Variants in ACO1 observed in about 807,000 individuals in gnomAD.
ACO1 encodes the protein cytoplasmic aconitate hydratase.
ACO1 carries 78 observed loss-of-function variants against 105.1 expected under a neutral mutation model. That is an observed-to-expected ratio of 0.74 (90% CI 0.62 to 0.90). The LOEUF is 0.90. Ranked by LOEUF, ACO1 falls within the 40% of genes least tolerant of loss-of-function variation. The pLI, the probability that ACO1 is intolerant of heterozygous loss-of-function variation, is 0.00. For synonymous variants in ACO1, 364 were observed against 397.4 expected (o/e 0.92, Z 1.00); for missense variants, 965 against 1,111.1 (o/e 0.87, Z 1.87).
In ACO1 at chr9:32,449,860, C is replaced by T; in HGVS notation, c.2557-138C>T. ...TTTAGTGGGTCTGGGCTGGGGCCAGCAGCCTTGCATGTCCTCATGTGCTGC... is the reference window on the plus strand; with the variant it reads ...TTTAGTGGGTCTGGGCTGGGGCCAGTAGCCTTGCATGTCCTCATGTGCTGC... On this transcript the variant is annotated intron_variant, in intron 20 of 20. Coordinates refer to ENST00000309951, the MANE Select transcript of ACO1 (RefSeq NM_002197.3). 4.6e-6 allele frequency: 3 copies of T among 654,048 alleles called. No individual in the cohort carries two copies. In the Admixed American group the frequency reaches 7.5e-5, roughly 16 times the overall value. 40.5% of individuals were successfully genotyped at this position (654,048 alleles called of 1,614,324 possible).
chr9:32,437,557 G>A (rs1044653341), intron 18 of ACO1, among the ~76,000 whole-genome samples: 4 of 152,084 alleles, frequency 2.6e-5, no homozygotes, highest in African/African-American at 9.7e-5. Context: ...AGACATTGGG[G>A]GACCCCTAAT....
chr9:32,397,005 A>T (rs573218590), intron 1 of ACO1, among the ~76,000 whole-genome samples: 2 of 152,124 alleles, frequency 1.3e-5, no homozygotes, highest in Non-Finnish European at 2.9e-5. Context: ...TGACATATAT[A>T]TAGCACATTC....
At chr9:32,391,066 G>A (rs1448146047) in intron 1 of ACO1, among the ~76,000 whole-genome samples, 1 of 152,168 alleles carries the variant, frequency 6.6e-6, no homozygotes, top group African/African-American at 2.4e-5. Context: ...GCTTACCATA[G>A]GTAAGTCAAT....
chr9:32,440,999 A>G (rs1822468221), intron 19 of ACO1, among the ~76,000 whole-genome samples: 1 of 152,198 alleles, frequency 6.6e-6, no homozygotes, highest in East Asian at 1.9e-4. Flanking sequence ...AGCCAGGGCC[A>G]TTGTATTATC....
chr9:32,427,221 A>T (rs1822119298), intron 11 of ACO1, 80 bp from the exon 12 acceptor site: 9 of 1,550,352 alleles, frequency 5.8e-6, no homozygotes, highest in Non-Finnish European at 6.1e-6. Flanking sequence ...GACTGAAGAA[A>T]ATCAGGCTCT....
chr9:32,394,603 C>G (rs1453491556), intron 1 of ACO1, among the ~76,000 whole-genome samples: 3 of 152,228 alleles, frequency 2.0e-5, no homozygotes, highest in African/African-American at 7.2e-5. Flanking sequence ...ATGGAACCAG[C>G]TGCTTCAGAG....
intron 8 of ACO1, among the ~76,000 whole-genome samples, chr9:32,421,315 T>C (rs1306357861): frequency 6.6e-6 from 1 of 152,194 alleles, no homozygotes; most frequent in Non-Finnish European, 1.5e-5. Context: ...TAGTAATGGT[T>C]ACTGCTGCCT....
intron 1 of ACO1, chr9:32,386,221 G>A (rs1304580611): frequency 6.6e-6 from 1 of 152,232 alleles, no homozygotes; most frequent in African/African-American, 2.4e-5. Flanking sequence ...TTACCAAGTA[G>A]TCAGGAAGTT....
At chr9:32,434,978 G>A (rs1205176043) in intron 17 of ACO1, among the ~76,000 whole-genome samples, 2 of 152,114 alleles carry the variant, frequency 1.3e-5, no homozygotes, top group East Asian at 3.9e-4. Flanking sequence ...CCCTGCCCCC[G>A]GCTTGGCTGA....
At chr9:32,394,664 C>T (rs1821335129) in intron 1 of ACO1, among the ~76,000 whole-genome samples, 1 of 152,220 alleles carries the variant, frequency 6.6e-6, no homozygotes, top group Admixed American at 6.5e-5. Context: ...TTCCCTCTCT[C>T]AGCACGCCTG....
At chr9:32,446,452 C>G (rs563032616) in intron 19 of ACO1, among the ~76,000 whole-genome samples, 2 of 152,108 alleles carry the variant, frequency 1.3e-5, no homozygotes, top group Admixed American at 6.6e-5. Flanking sequence ...AAATCTTCCT[C>G]CATCCCTTTA....
intron 1 of ACO1, among the ~76,000 whole-genome samples, chr9:32,399,009 T>G (rs976712858): frequency 2.6e-5 from 4 of 152,198 alleles, no homozygotes; most frequent in Non-Finnish European, 5.9e-5. Flanking sequence ...TGTCCATGAT[T>G]TAAGATAATC....
intron 19 of ACO1, among the ~76,000 whole-genome samples, chr9:32,445,133 AGTTC>A (rs1822570592): frequency 6.6e-6 from 1 of 152,164 alleles, no homozygotes; most frequent in Admixed American, 6.5e-5. Flanking sequence ...TCATAAAATG[AGTTC>A]GGGAGGATTC....
At chr9:32,413,763 C>T (rs1821792395) in intron 4 of ACO1, among the ~76,000 whole-genome samples, 3 of 152,070 alleles carry the variant, frequency 2.0e-5, no homozygotes, top group Non-Finnish European at 4.4e-5. Flanking sequence ...TACTAATTAG[C>T]TTCACACCAT....
At chr9:32,429,572 G>C in intron 13 of ACO1, 69 bp downstream of exon 13, 1 of 1,369,492 alleles carries the variant, frequency 7.3e-7, no homozygotes, top group Non-Finnish European at 1.0e-6. Flanking sequence ...CAAAAATGCT[G>C]ATATTTTCAA....
At chr9:32,412,683 A>G (rs1821765343) in intron 4 of ACO1, among the ~76,000 whole-genome samples, 1 of 152,196 alleles carries the variant, frequency 6.6e-6, no homozygotes, top group African/African-American at 2.4e-5. Flanking sequence ...TGTCTTCCCC[A>G]ACCTTCCTTT....
intron 15 of ACO1, among the ~76,000 whole-genome samples, chr9:32,433,150 G>A (rs893668767): frequency 3.3e-5 from 5 of 152,156 alleles, no homozygotes; most frequent in African/African-American, 1.2e-4. Flanking sequence ...CACTCAACAG[G>A]AGGGGGTCAA....
chr9:32,446,573 T>TA (rs1822614040), intron 19 of ACO1, among the ~76,000 whole-genome samples: 1 of 152,226 alleles, frequency 6.6e-6, no homozygotes, highest in Non-Finnish European at 1.5e-5. Context: ...TTGGGGCATT[T>TA]AGCCCATTTA....
At chr9:32,437,900 C>T (rs891477758) in intron 18 of ACO1, among the ~76,000 whole-genome samples, 8 of 152,052 alleles carry the variant, frequency 5.3e-5, no homozygotes, top group Non-Finnish European at 1.2e-4. Context: ...AAGAACTGAA[C>T]TCAGGAGGCC....
Sources: allele counts gnomAD v4.1 joint callset (sites outside exome capture counted in the v4.1 genomes callset), GRCh38; gene constraint gnomAD v4.1.1; transcripts MANE v1.5; gene names NCBI Gene and HGNC (gene_info 2026-07-23, HGNC 2026-07-21).